PDGFC: variants seen among roughly 807,000 people sequenced by gnomAD.
PDGFC encodes the protein platelet derived growth factor C.
Under a neutral mutation model 35.5 loss-of-function variants are expected in PDGFC, and 12 were observed. The observed-to-expected ratio is 0.34, with a 90% CI of 0.22 to 0.55. PDGFC has a LOEUF of 0.55. Among genes scored for constraint, PDGFC ranks in the 20% least tolerant of loss-of-function variants. PDGFC has a pLI of 0.91. For missense variants in PDGFC, 322 were observed against 412.4 expected (o/e 0.78, Z 1.90); for synonymous variants, 159 against 148.8 (o/e 1.07, Z -0.50).
At chr4:156,891,634 A>G (rs959725433) in intron 1 of PDGFC, among the ~76,000 whole-genome samples, 1 of 152,324 alleles carries the variant, frequency 6.6e-6, no homozygotes, top group Non-Finnish European at 1.5e-5. Context: ...CTTGCCAGTA[A>G]GAAAAGACAA....
At chr4:156,793,294 A>C (rs1030898127) in intron 3 of PDGFC, among the ~76,000 whole-genome samples, 1 of 151,890 alleles carries the variant, frequency 6.6e-6, no homozygotes, top group African/African-American at 2.4e-5. Context: ...TAATCTTTAC[A>C]TATTTTAGTG....
chr4:156,770,405 G>C (rs1008080292), intron 4 of PDGFC: 1 of 151,926 alleles, frequency 6.6e-6, no homozygotes, highest in Non-Finnish European at 1.5e-5. Context: ...CTACTGCTAA[G>C]GCTTCAAACG....
intron 3 of PDGFC, among the ~76,000 whole-genome samples, chr4:156,794,623 G>A (rs1434867093): frequency 1.3e-5 from 2 of 151,906 alleles, no homozygotes; most frequent in Non-Finnish European, 2.9e-5. Flanking sequence ...TTATTAATAA[G>A]ATAAAAATAT....
At chr4:156,854,514 A>T (rs2111094667) in intron 1 of PDGFC, among the ~76,000 whole-genome samples, 1 of 152,296 alleles carries the variant, frequency 6.6e-6, no homozygotes, top group Admixed American at 6.5e-5. Flanking sequence ...TGCTCCCAAA[A>T]AATTCACCTT....
chr4:156,808,055 C>A (rs192327183), intron 3 of PDGFC, among the ~76,000 whole-genome samples: 2 of 152,064 alleles, frequency 1.3e-5, no homozygotes, highest in East Asian at 3.9e-4. Flanking sequence ...GGTAATATAG[C>A]GTAATATATT....
chr4:156,781,602 T>C (rs1278548722), intron 3 of PDGFC, among the ~76,000 whole-genome samples: 1 of 152,060 alleles, frequency 6.6e-6, no homozygotes, highest in Non-Finnish European at 1.5e-5. Context: ...CCCTCCCAGG[T>C]ACATTTTATC....
At chr4:156,851,472 GGAGA>G (rs1432401556) in intron 1 of PDGFC, among the ~76,000 whole-genome samples, 1 of 152,056 alleles carries the variant, frequency 6.6e-6, no homozygotes, top group Non-Finnish European at 1.5e-5. Context: ...AAAATGTTGG[GGAGA>G]GAATTGAGAG....
intron 3 of PDGFC, among the ~76,000 whole-genome samples, chr4:156,776,479 T>G (rs550573156): frequency 6.6e-6 from 1 of 152,340 alleles, no homozygotes; most frequent in East Asian, 1.9e-4. Flanking sequence ...CCAAAACCCT[T>G]ATTCAGCCAG....
At position 156,868,794 on chromosome 4, in the gene PDGFC, C is replaced by A. The variant is rs868730697; in HGVS notation, c.119-18378G>T. Among the ~76,000 whole-genome samples, 16 of 152,116 alleles carry A rather than the reference C, an allele frequency of 1.1e-4. 1 individual carries two copies. The highest frequency in any genetic ancestry group is 8.3e-4 in the South Asian group (4 of 4,816). On this transcript the variant is annotated intron_variant, in intron 1 of 5. Coordinates refer to ENST00000502773, the MANE Select transcript of PDGFC (RefSeq NM_016205.3). ...TTCTATAGAACTGTATCCTTTTATA[C>A]CTGCAGTTGGTTCTTCTTCAAGATT...
At chr4:156,824,327 T>TATATATAC (rs1491500876) in intron 2 of PDGFC, among the ~76,000 whole-genome samples, 136 of 102,570 alleles carry the variant, frequency 1.3e-3, no homozygotes, top group African/African-American at 3.1e-3. Flanking sequence ...TATATATATA[T>TATATATAC]ACACACACAC....
chr4:156,831,720 G>C (rs1298293005), intron 2 of PDGFC, among the ~76,000 whole-genome samples: 1 of 151,746 alleles, frequency 6.6e-6, no homozygotes, highest in East Asian at 1.9e-4. Flanking sequence ...AGGATTACAG[G>C]TGTGAGCTAC....
In PDGFC at chr4:156,775,253, C is replaced by T. The variant is rs562053380; in HGVS notation, c.496-2360G>A. Among the ~76,000 whole-genome samples the T allele has an allele frequency of 7.2e-5, 11 of 151,972 alleles. No homozygotes were observed. In the South Asian group the frequency reaches 8.3e-4, roughly 11 times the overall value. On this transcript the variant is annotated intron_variant, in intron 3 of 5. Coordinates refer to ENST00000502773, the MANE Select transcript of PDGFC (RefSeq NM_016205.3). ...TTAAATTTATGGTGTAAAAAGTTAA[C>T]GCAAATTTTTGCATATTTCAAAAAT...
chr4:156,763,170 A>G lies in PDGFC; in HGVS notation c.958T>C (p.Leu320=). The change falls in exon 6 of 6, where the codon TTG becomes CTG. Residue 320 remains leucine, a synonymous_variant. Coordinates refer to ENST00000502773, the MANE Select transcript of PDGFC (RefSeq NM_016205.3). ...GCCACGTCGGTGAGTGATTTGTGCAATCCCCTGACACCGGTCTTTGGTCTC... is the reference window on the plus strand; with the variant it reads ...GCCACGTCGGTGAGTGATTTGTGCAGTCCCCTGACACCGGTCTTTGGTCTC... ...QLRPKTGVRG[L]HKSLTDVALE... 6.2e-7 allele frequency: 1 copy of G among 1,611,882 alleles called. No individual in the cohort carries two copies. Among genetic ancestry groups the G allele is most frequent in the Non-Finnish European group, 8.5e-7 (1 of 1,178,034 alleles).
Position 156,894,439 on chromosome 4 carries a change from T to C in PDGFC, c.119-44023A>G, listed in dbSNP as rs1240116370. The stretch of plus-strand genomic sequence containing the variant: ...ATACCATTTCAGCATTGCATCATAG[T>C]ATTGTTCATTATGAATAATCCATTA... On this transcript the variant is annotated intron_variant, in intron 1 of 5. Transcript: ENST00000502773. Among the ~76,000 whole-genome samples, 5 of 152,328 alleles carry C rather than the reference T, an allele frequency of 3.3e-5. No homozygotes were observed. In the South Asian group the frequency reaches 6.2e-4, roughly 19 times the overall value.
At chr4:156,954,019 G>T (rs1013485290) in intron 1 of PDGFC, among the ~76,000 whole-genome samples, 3 of 151,876 alleles carry the variant, frequency 2.0e-5, no homozygotes, top group Non-Finnish European at 4.4e-5. Context: ...TAAATAGTCT[G>T]GTCTCTAGGG....
chr4:156,930,051 G>C (rs549306379), intron 1 of PDGFC, among the ~76,000 whole-genome samples: 1 of 152,178 alleles, frequency 6.6e-6, no homozygotes, highest in African/African-American at 2.4e-5. Flanking sequence ...GGATTGATTT[G>C]TCATTAGACT....
At chr4:156,869,994 A>C (rs994724827) in intron 1 of PDGFC, among the ~76,000 whole-genome samples, 2 of 151,934 alleles carry the variant, frequency 1.3e-5, no homozygotes, top group Non-Finnish European at 2.9e-5. Context: ...TAAAAAAAAA[A>C]CCCAGCTTTT....
At chr4:156,920,780 C>T (rs1242866989) in intron 1 of PDGFC, among the ~76,000 whole-genome samples, 2 of 151,884 alleles carry the variant, frequency 1.3e-5, no homozygotes, top group African/African-American at 4.8e-5. Context: ...ACTATAATTG[C>T]CAACCTTTTT....
intron 2 of PDGFC, among the ~76,000 whole-genome samples, chr4:156,821,557 T>C (rs1438129324): frequency 6.6e-6 from 1 of 152,090 alleles, no homozygotes; most frequent in African/African-American, 2.4e-5. Context: ...TATTTTATTT[T>C]ATCTTTTCGA....
Sources: gnomAD v4.1 joint callset for allele counts (sites outside exome capture counted in the v4.1 genomes callset) on GRCh38, gnomAD v4.1.1 for gene constraint, MANE v1.5 for transcripts, NCBI Gene and HGNC (gene_info 2026-07-23, HGNC 2026-07-21) for gene names.